Variants in FRMPD1 observed in about 807,000 individuals in gnomAD.
FRMPD1 encodes FERM and PDZ domain containing 1, also known as FERM and PDZ domain-containing protein 1.
FRMPD1 carries 76 observed loss-of-function variants against 117.8 expected under a neutral mutation model. The ratio of observed to expected loss-of-function variants is 0.65; its 90% CI spans 0.54 to 0.78. The LOEUF is 0.78. Among genes scored for constraint, FRMPD1 ranks in the 30% least tolerant of loss-of-function variants. The pLI is 0.00. For missense variants in FRMPD1, 1,786 were observed against 1,964.5 expected, an observed-to-expected ratio of 0.91 and a Z score of 1.72; for synonymous variants, 783 against 770.4, an observed-to-expected ratio of 1.02 and a Z score of -0.27.
chr9:37,669,173 G>T (rs1048361683), intron 1 of FRMPD1, among the ~76,000 whole-genome samples: 7 of 151,948 alleles, frequency 4.6e-5, no homozygotes, highest in African/African-American at 9.7e-5. Flanking sequence ...GAGTGAGAAG[G>T]GGAAAAAAAT....
At chr9:37,701,912 G>T (rs1336094056) in intron 2 of FRMPD1, among the ~76,000 whole-genome samples, 1 of 152,142 alleles carries the variant, frequency 6.6e-6, no homozygotes, top group Non-Finnish European at 1.5e-5. Flanking sequence ...GAGATGGAAA[G>T]AAATGGACCC....
At chr9:37,660,156 G>A (rs1048419448) in intron 1 of FRMPD1, among the ~76,000 whole-genome samples, 2 of 152,064 alleles carry the variant, frequency 1.3e-5, no homozygotes, top group African/African-American at 4.8e-5. Flanking sequence ...TGGGGATAGG[G>A]GCTGGGGAGG....
the FRMPD1 span, among the ~76,000 whole-genome samples, chr9:37,637,705 G>T: frequency 6.6e-6 from 1 of 152,168 alleles, no homozygotes; most frequent in Non-Finnish European, 1.5e-5. Flanking sequence ...ATCTCTCCAG[G>T]CCCAGGATTG....
chr9:37,692,614 TAAG>T lies in FRMPD1; in HGVS notation c.-4-21_-4-19del, dbSNP rs761948978. 2.7e-6 allele frequency: 4 copies of T among 1,472,806 alleles called. No individual in the cohort carries two copies. The South Asian group carries it at 4.5e-5, about 17-fold the overall frequency. 91.2% of individuals were successfully genotyped at this position (1,472,806 alleles called of 1,614,324 possible). Reference sequence around the variant, plus strand: ...CTTTAGAGTATTTTGGTTAGCATCTTAAGAACACTCTTCTTCCTTTTAGGTAAA... The same window carrying T: ...CTTTAGAGTATTTTGGTTAGCATCTTAACACTCTTCTTCCTTTTAGGTAAA... On this transcript the variant is annotated intron_variant, in intron 1 of 15. Transcript: ENST00000377765.
intron 5 of FRMPD1, among the ~76,000 whole-genome samples, chr9:37,717,502 C>T (rs917286349): frequency 1.3e-5 from 2 of 151,514 alleles, no homozygotes; most frequent in African/African-American, 4.9e-5. Flanking sequence ...GCTTCAGCCC[C>T]CCGAGTAGCT....
At chr9:37,678,304 A>G (rs1021305529) in intron 1 of FRMPD1, among the ~76,000 whole-genome samples, 1 of 122,660 alleles carries the variant, frequency 8.2e-6, no homozygotes, top group Middle Eastern at 6.6e-3. Flanking sequence ...TCTGTTGCCC[A>G]GGCTGGAGTG....
At chr9:37,703,736 T>G (rs1029815499) in intron 2 of FRMPD1, among the ~76,000 whole-genome samples, 1 of 152,210 alleles carries the variant, frequency 6.6e-6, no homozygotes, top group African/African-American at 2.4e-5. Context: ...CTAATCTACT[T>G]TCTGTCTCTA....
chr9:37,669,935 G>A (rs1421141217), intron 1 of FRMPD1: 1 of 151,858 alleles, frequency 6.6e-6, no homozygotes, highest in Non-Finnish European at 1.5e-5. Context: ...GGAGGTTGTG[G>A]TGAGCTGAGA....
chr9:37,605,156 A>G, the FRMPD1 span, among the ~76,000 whole-genome samples: 1 of 152,308 alleles, frequency 6.6e-6, no homozygotes, highest in African/African-American at 2.4e-5. Flanking sequence ...TGCTTCCAGT[A>G]CCCAGCCTGG....
Position 37,740,086 on chromosome 9 carries a change from T to A in FRMPD1, c.1558T>A (p.Ser520Thr), listed in dbSNP as rs1488030354. The change falls in exon 15 of 16, where the codon TCC (serine) becomes ACC (threonine). Residue 520 changes from serine (S) to threonine (T), a missense_variant. By Grantham distance (58) the Ser-to-Thr change is moderately conservative. Transcript: ENST00000377765. The surrounding 1 kb of genome is among the most constrained non-coding windows in gnomAD (Gnocchi z 4.2). Reference protein sequence around the residue: ...HRVSAEEGYESRACSDSEESS... With the variant: ...HRVSAEEGYETRACSDSEESS... ...TGTACCCTGTGTTGCAGGCTATGAA[T>A]CCAGGGCCTGCAGTGACTCAGAGGA... 6.3e-7 allele frequency: 1 copy of A among 1,597,804 alleles called. No homozygotes were observed. Among genetic ancestry groups the A allele is most frequent in the South Asian group, 1.1e-5 (1 of 89,090 alleles).
Position 37,740,084 on chromosome 9 carries a change from A to T in FRMPD1, c.1556A>T (p.Glu519Val). Residue 519 changes from glutamate to valine, a missense_variant, in exon 15 of 16, where the codon GAA (glutamate) becomes GTA (valine). Glu to Val is a moderately radical substitution (Grantham distance 121). Transcript: ENST00000377765. This position sits in a 1 kb window ranked among gnomAD's most constrained non-coding sequence, Gnocchi z 4.2. ...AHRVSAEEGY[E>V]SRACSDSEES... ...GCTGTACCCTGTGTTGCAGGCTATG[A>T]ATCCAGGGCCTGCAGTGACTCAGAG... The T allele has an allele frequency of 6.3e-7, 1 of 1,592,684 alleles. No individual in the cohort carries two copies. The highest frequency in any genetic ancestry group is 8.6e-7 in the Non-Finnish European group (1 of 1,168,326).
chr9:37,721,155 G>C (rs753696755), intron 6 of FRMPD1, among the ~76,000 whole-genome samples: 4 of 152,132 alleles, frequency 2.6e-5, no homozygotes, highest in East Asian at 1.9e-4. Flanking sequence ...AAAGGAACAG[G>C]GTTCTAAAAA....
chr9:37,735,715 TG>T lies in FRMPD1; in HGVS notation c.1383del (p.Tyr462IlefsTer8). 1 of 1,613,512 alleles carries T rather than the reference TG, an allele frequency of 6.2e-7. No homozygotes were observed. Among genetic ancestry groups the T allele is most frequent in the Non-Finnish European group, 8.5e-7 (1 of 1,179,580 alleles). On this transcript the variant is annotated frameshift_variant, in exon 13 of 16. Transcript: ENST00000377765. LOFTEE classifies it high-confidence loss of function. ...EESEKVSVVK[V>X]YLQDVKVLTL... is the part of the protein sequence containing the mutation. ...TCTGAGAAAGTGAGCGTCGTCAAAG[TG>T]TATCTTCAGGACGTCAAGGTAACAC...
In FRMPD1 at chr9:37,724,302, G is replaced by A. The variant is rs1294338977; in HGVS notation, c.594G>A (p.Glu198=). 1.9e-6 allele frequency: 3 copies of A among 1,580,380 alleles called. No homozygotes were observed. The highest frequency in any genetic ancestry group is 2.6e-6 in the Non-Finnish European group (3 of 1,149,286). Residue 198 remains glutamate, a synonymous_variant, in exon 7 of 16, where the codon GAG becomes GAA. Coordinates refer to ENST00000377765, the MANE Select transcript of FRMPD1 (RefSeq NM_014907.3). The stretch of plus-strand genomic sequence containing the variant: ...GACAGACCAAAGCTTTCAAGTTTGA[G>A]GCAAACACAACCGTGAAGGTATTAA... ...ENGQTKAFKF[E]ANTTVKDIIL... is the part of the protein sequence containing the mutation.
chr9:37,632,242 T>C, the FRMPD1 span, among the ~76,000 whole-genome samples: 1 of 152,240 alleles, frequency 6.6e-6, no homozygotes, highest in Non-Finnish European at 1.5e-5. Flanking sequence ...TATCCTATTG[T>C]TGAACCTGTA....
chr9:37,676,301 G>T (rs1446302992), intron 1 of FRMPD1, among the ~76,000 whole-genome samples: 2 of 152,074 alleles, frequency 1.3e-5, no homozygotes, highest in African/African-American at 4.8e-5. Context: ...TCGTGTCTCG[G>T]GGAGCATCTT....
the FRMPD1 span, among the ~76,000 whole-genome samples, chr9:37,634,897 C>A: frequency 1.3e-5 from 2 of 151,790 alleles, no homozygotes; most frequent in African/African-American, 4.8e-5. Context: ...AATCCCCCAA[C>A]AGGCCATGGT....
chr9:37,661,403 C>T (rs1225339615), intron 1 of FRMPD1, among the ~76,000 whole-genome samples: 1 of 152,154 alleles, frequency 6.6e-6, no homozygotes, highest in Admixed American at 6.5e-5. Context: ...GATATAATGA[C>T]CCCTGTTTTC....
At chr9:37,686,693 A>G (rs1563931518) in intron 1 of FRMPD1, among the ~76,000 whole-genome samples, 1 of 152,258 alleles carries the variant, frequency 6.6e-6, no homozygotes, top group Non-Finnish European at 1.5e-5. Flanking sequence ...ATGTATGTTT[A>G]TAGAAACCAA....
Sources: gnomAD v4.1 joint callset for allele counts (sites outside exome capture counted in the v4.1 genomes callset) on GRCh38, gnomAD v4.1.1 for gene constraint, Gnocchi (gnomAD v3.1) non-coding constraint, MANE v1.5 for transcripts, NCBI Gene and HGNC (gene_info 2026-07-23, HGNC 2026-07-21) for gene names.